The following SUGT1 variants were observed in gnomAD, a reference collection of about 807,000 sequenced individuals.
SUGT1 encodes the protein protein SGT1 homolog.
SUGT1 carries 15 observed loss-of-function variants against 56.1 expected under a neutral mutation model. The ratio of observed to expected loss-of-function variants is 0.27; its 90% CI spans 0.18 to 0.41. The LOEUF is 0.41. Among genes scored for constraint, SUGT1 ranks in the 10% least tolerant of loss-of-function variants. The pLI, the probability that SUGT1 is intolerant of heterozygous loss-of-function variation, is 1.00. For missense variants in SUGT1, 347 were observed against 382.2 expected, an observed-to-expected ratio of 0.91 and a Z score of 0.77; for synonymous variants, 123 against 128.6, an observed-to-expected ratio of 0.96 and a Z score of 0.30.
Position 52,688,238 on chromosome 13 carries a change from TG to T in SUGT1, c.*404del, listed in dbSNP as rs1455282249. 2 of 152,932 alleles carry T rather than the reference TG, an allele frequency of 1.3e-5. No individual in the cohort carries two copies. Among genetic ancestry groups the T allele is most frequent in the Non-Finnish European group, 2.9e-5 (2 of 68,238 alleles). The allele number at this position is 152,932 out of a possible 1,614,324, so 9.5% of individuals were successfully genotyped here. A position where few individuals can be genotyped will look rare whatever the true frequency, so the allele number is the denominator to read the frequency against. ...ATTTTTCACCTTCAGTGTTACATTG[TG>T]TTTGCTTTTAAAAACTGCTTTTGAA... is the stretch of plus-strand genomic sequence containing the variant. On this transcript the variant is annotated 3_prime_UTR_variant, in exon 13 of 13. Transcript: ENST00000310528.
rs930658565 is a variant in SUGT1, at chr13:52,699,834, T to G, written c.*11999T>G. The stretch of plus-strand genomic sequence containing the variant: ...GGACGCCATAGAAATCCTGTTTTTT[T>G]AAAAAAGTAATTTCAAGTAAGTTTG... On this transcript the variant is annotated 3_prime_UTR_variant, in exon 13 of 13. Coordinates refer to ENST00000310528, the MANE Select transcript of SUGT1 (RefSeq NM_006704.5). 2 of 152,162 alleles carry G rather than the reference T, an allele frequency of 1.3e-5. No individual in the cohort carries two copies. The highest frequency in any genetic ancestry group is 2.4e-5 in the African/African-American group (1 of 41,448). The allele number at this position is 152,162 out of a possible 1,614,324, so 9.4% of individuals were successfully genotyped here. A position where few individuals can be genotyped will look rare whatever the true frequency, so the allele number is the denominator to read the frequency against.
chr13:52,674,970 CT>C (rs1238039375), intron 10 of SUGT1, among the ~76,000 whole-genome samples: 1 of 151,962 alleles, frequency 6.6e-6, no homozygotes, highest in East Asian at 1.9e-4. Context: ...ATACTATTAA[CT>C]TTTCATTTTA....
chr13:52,674,244 G>A (rs9526972), intron 10 of SUGT1, among the ~76,000 whole-genome samples: 5,438 of 151,812 alleles, frequency 0.036, 128 homozygotes, highest in South Asian at 0.064. Context: ...TAGAGACAGG[G>A]TTTTGCCATG....
In SUGT1 at chr13:52,696,007, TGATGGAGTCATAC is replaced by T. The variant is rs1157524683; in HGVS notation, c.*8173_*8185del. 2 of 152,250 alleles carry T rather than the reference TGATGGAGTCATAC, an allele frequency of 1.3e-5. No individual in the cohort carries two copies. Among genetic ancestry groups the T allele is most frequent in the African/African-American group, 4.8e-5 (2 of 41,476 alleles). The allele number at this position is 152,250 out of a possible 1,614,324, so 9.4% of individuals were successfully genotyped here. ...ATGGTTGAGACATCACTGGATCCTT[TGATGGAGTCATAC>T]CAAAACCACAACATGTCATGAGCAT... On this transcript the variant is annotated 3_prime_UTR_variant, in exon 13 of 13. Transcript: ENST00000310528.
rs1349152576 is a variant in SUGT1, at chr13:52,700,595, C to T, written c.*12760C>T. ...AAAAGGAGTTCAGCTTTTATAAACA[C>T]CAAAACACTCTCTGCCTGTAAAATG... On this transcript the variant is annotated 3_prime_UTR_variant, in exon 13 of 13. Transcript: ENST00000310528. The T allele has an allele frequency of 6.6e-6, 1 of 151,848 alleles. No homozygotes were observed. Among genetic ancestry groups the T allele is most frequent in the Non-Finnish European group, 1.5e-5 (1 of 68,016 alleles). 9.4% of individuals were successfully genotyped at this position (151,848 alleles called of 1,614,324 possible). A position where few individuals can be genotyped will look rare whatever the true frequency, so the allele number is the denominator to read the frequency against.
At chr13:52,676,945 A>C (rs1208732062) in intron 11 of SUGT1, among the ~76,000 whole-genome samples, 1 of 152,194 alleles carries the variant, frequency 6.6e-6, no homozygotes. Flanking sequence ...GAATTTTTCT[A>C]GTGGACAAAT....
chr13:52,659,358 G>A (rs1275407957), intron 5 of SUGT1, 109 bp downstream of exon 5: 2 of 574,830 alleles, frequency 3.5e-6, no homozygotes, highest in Non-Finnish European at 5.7e-6. Context: ...CCCAATACCT[G>A]TTTTTCTCAT....
Position 52,657,773 on chromosome 13 carries a change from C to T in SUGT1, c.187+151C>T, listed in dbSNP as rs1176472839. 5.8e-6 allele frequency: 4 copies of T among 685,752 alleles called. No homozygotes were observed. In the East Asian group the frequency reaches 8.4e-5, roughly 14 times the overall value. 42.5% of individuals were successfully genotyped at this position (685,752 alleles called of 1,614,324 possible). A position where few individuals can be genotyped will look rare whatever the true frequency, so the allele number is the denominator to read the frequency against. ...AATGTGACAGACATGTTGAGCAACACCCATTTAAATTTTATGGATGTCGCT... is the reference window on the plus strand; with the variant it reads ...AATGTGACAGACATGTTGAGCAACATCCATTTAAATTTTATGGATGTCGCT... On this transcript the variant is annotated intron_variant, in intron 3 of 12. Coordinates refer to ENST00000310528, the MANE Select transcript of SUGT1 (RefSeq NM_006704.5).
intron 11 of SUGT1, among the ~76,000 whole-genome samples, chr13:52,676,585 G>C (rs544348232): frequency 6.6e-5 from 10 of 152,294 alleles, no homozygotes; most frequent in African/African-American, 2.4e-4. Context: ...TATGACATCA[G>C]TTGGAGGGTG....
chr13:52,657,508 C>T (rs369294390), intron 2 of SUGT1, 24 bp from the exon 3 acceptor site: 63 of 1,597,876 alleles, frequency 3.9e-5, no homozygotes, highest in African/African-American at 5.4e-5. Context: ...CTTTTACTGA[C>T]GCTCCACATG....
In SUGT1 at chr13:52,687,997, A is replaced by G. The variant is rs562086903; in HGVS notation, c.*162A>G. ...TATTTTCCTTCAAGTGTTCAAGTCTAATGAAGAATGAAGATAACATTTTAT... is the reference window on the plus strand; with the variant it reads ...TATTTTCCTTCAAGTGTTCAAGTCTGATGAAGAATGAAGATAACATTTTAT... On this transcript the variant is annotated 3_prime_UTR_variant, in exon 13 of 13. Transcript: ENST00000310528. The G allele has an allele frequency of 1.1e-4, 51 of 448,306 alleles. 1 individual carries two copies. In the South Asian group the frequency reaches 2.1e-3, roughly 18 times the overall value. The allele number at this position is 448,306 out of a possible 1,614,324, so 27.8% of individuals were successfully genotyped here.
chr13:52,681,228 C>T (rs1399138488), intron 12 of SUGT1, among the ~76,000 whole-genome samples: 2 of 143,166 alleles, frequency 1.4e-5, no homozygotes, highest in Non-Finnish European at 3.0e-5. Context: ...TTAGCCTGGG[C>T]AACATAGAGA....
chr13:52,666,749 G>C (rs9316580), intron 9 of SUGT1, 63 bp from the exon 10 acceptor site: 1,026,858 of 1,028,668 alleles, frequency 1, 512,532 homozygotes, highest in East Asian at 1. Context: ...ATTATTTTGT[G>C]TAGGTTTTTT....
intron 5 of SUGT1, 28 bp from the exon 6 acceptor site, chr13:52,662,621 G>C: frequency 6.2e-7 from 1 of 1,611,630 alleles, no homozygotes; most frequent in Non-Finnish European, 8.5e-7. Flanking sequence ...GCAGATGAGT[G>C]ATGTTATAGT....
At position 52,666,833 on chromosome 13, in the gene SUGT1, C is replaced by T; in HGVS notation, c.541C>T (p.Pro181Ser). 1 of 1,613,108 alleles carries T rather than the reference C, an allele frequency of 6.2e-7. No homozygotes were observed. Among genetic ancestry groups the T allele is most frequent in the Non-Finnish European group, 8.5e-7 (1 of 1,179,534 alleles). The change falls in exon 10 of 13, where the codon CCT (proline) becomes TCT (serine). Residue 181 changes from proline to serine, a missense_variant. Transcript: ENST00000310528. Reference protein sequence around the residue: ...EKELSALVKLPSGEDYNLKLE... With the variant: ...EKELSALVKLSSGEDYNLKLE... Reference sequence around the variant, plus strand: ...TTAGTTGTCTGCTTTGGTTAAACTTCCTTCTGGAGAGGATTACAATTTGAA... The same window carrying T: ...TTAGTTGTCTGCTTTGGTTAAACTTTCTTCTGGAGAGGATTACAATTTGAA...
chr13:52,675,131 C>T (rs1190248750), intron 10 of SUGT1, among the ~76,000 whole-genome samples: 1 of 152,182 alleles, frequency 6.6e-6, no homozygotes, highest in Non-Finnish European at 1.5e-5. Context: ...TTCTACCCTT[C>T]AGAGCCCTTC....
At chr13:52,660,020 G>T (rs1171011845) in intron 5 of SUGT1, among the ~76,000 whole-genome samples, 5 of 150,742 alleles carry the variant, frequency 3.3e-5, no homozygotes, top group Admixed American at 3.3e-4. Context: ...TAGTAGAGAT[G>T]GGGTTTCACC....
At chr13:52,683,745 T>C (rs915782716) in intron 12 of SUGT1, among the ~76,000 whole-genome samples, 1 of 152,230 alleles carries the variant, frequency 6.6e-6, no homozygotes, top group African/African-American at 2.4e-5. Flanking sequence ...TTTACAGTTA[T>C]GAATTTAGTT....
chr13:52,661,902 G>T (rs1962474245), intron 5 of SUGT1, among the ~76,000 whole-genome samples: 1 of 151,986 alleles, frequency 6.6e-6, no homozygotes, highest in African/African-American at 2.4e-5. Context: ...AATTTATCTT[G>T]TCTGCAGTTA....
Sources: gnomAD v4.1 joint callset for allele counts (sites outside exome capture counted in the v4.1 genomes callset) on GRCh38, gnomAD v4.1.1 for gene constraint, MANE v1.5 for transcripts, NCBI Gene and HGNC (gene_info 2026-07-23, HGNC 2026-07-21) for gene names.